Variants in ADAMTSL1 observed in about 807,000 individuals in gnomAD.
ADAMTSL1 encodes ADAMTS like 1, also known as ADAMTS-like protein 1.
In ADAMTSL1, 126 loss-of-function variants were observed where a neutral mutation model predicts 201.8. The observed-to-expected ratio is 0.62, with a 90% CI of 0.54 to 0.72. The LOEUF is 0.72. Ranked by LOEUF, ADAMTSL1 falls within the 30% of genes least tolerant of loss-of-function variation. The pLI, the probability that ADAMTSL1 is intolerant of heterozygous loss-of-function variation, is 0.00. For missense variants in ADAMTSL1, 2,679 were observed against 2,277.8 expected (o/e 1.18, Z -3.59); for synonymous variants, 1,121 against 903.4 (o/e 1.24, Z -4.32).
At chr9:18,786,665 A>T (rs375320294) in intron 19 of ADAMTSL1, among the ~76,000 whole-genome samples, 81 of 152,304 alleles carry the variant, frequency 5.3e-4, no homozygotes, top group African/African-American at 1.9e-3. Context: ...ATCTCAAACT[A>T]AGAAGCTTCA....
At chr9:18,517,251 C>G (rs1173779165) in intron 2 of ADAMTSL1, among the ~76,000 whole-genome samples, 1 of 152,054 alleles carries the variant, frequency 6.6e-6, no homozygotes, top group East Asian at 1.9e-4. Flanking sequence ...ATCCCCCGGC[C>G]CCCACCCCTA....
chr9:18,890,774 A>C (rs1031264491), intron 25 of ADAMTSL1: 14 of 348,656 alleles, frequency 4.0e-5, no homozygotes, highest in Non-Finnish European at 6.8e-5. Context: ...TTGGAAATAA[A>C]AGTTGATGGA....
intron 2 of ADAMTSL1, among the ~76,000 whole-genome samples, chr9:18,273,758 G>C (rs1377692711): frequency 6.6e-6 from 1 of 152,104 alleles, no homozygotes; most frequent in Admixed American, 6.5e-5. Context: ...CAGTTCCTTG[G>C]TTGTAACCTA....
chr9:18,497,459 AGACT>A (rs1822588346), intron 1 of ADAMTSL1, among the ~76,000 whole-genome samples: 1 of 152,332 alleles, frequency 6.6e-6, no homozygotes, highest in South Asian at 2.1e-4. Context: ...AAAGAGAAAC[AGACT>A]GACAGGCTAT....
At chr9:17,963,603 G>C (rs1184662397) in intron 1 of ADAMTSL1, among the ~76,000 whole-genome samples, 1 of 152,112 alleles carries the variant, frequency 6.6e-6, no homozygotes, top group Non-Finnish European at 1.5e-5. Flanking sequence ...GATTCTAAAA[G>C]GATAGACATT....
intron 23 of ADAMTSL1, among the ~76,000 whole-genome samples, chr9:18,852,463 G>A (rs1393392266): frequency 6.6e-6 from 1 of 150,684 alleles, no homozygotes; most frequent in African/African-American, 2.4e-5. Flanking sequence ...GCCCTCAGAA[G>A]CCAGATCCTG....
At chr9:17,917,964 A>C (rs1006450067) in intron 1 of ADAMTSL1, among the ~76,000 whole-genome samples, 2 of 151,968 alleles carry the variant, frequency 1.3e-5, no homozygotes, top group Non-Finnish European at 2.9e-5. Flanking sequence ...AGTAGTTCAT[A>C]GTGCTCCTTT....
intron 9 of ADAMTSL1, among the ~76,000 whole-genome samples, chr9:18,663,269 T>G (rs1829219103): frequency 6.6e-6 from 1 of 152,122 alleles, no homozygotes; most frequent in African/African-American, 2.4e-5. Context: ...CTCATAAAAG[T>G]GAACTCAGAA....
At chr9:18,743,819 T>C (rs956155786) in intron 15 of ADAMTSL1, among the ~76,000 whole-genome samples, 10 of 152,372 alleles carry the variant, frequency 6.6e-5, no homozygotes, top group African/African-American at 2.2e-4. Flanking sequence ...TTATCTTTTC[T>C]AGGCCTCTTT....
At chr9:18,670,791 GA>G (rs1300680682) in intron 9 of ADAMTSL1, among the ~76,000 whole-genome samples, 1 of 152,146 alleles carries the variant, frequency 6.6e-6, no homozygotes, top group East Asian at 1.9e-4. Context: ...ATAAACTAAA[GA>G]AAAACTTGTG....
At chr9:18,320,510 TAA>T in intron 2 of ADAMTSL1, among the ~76,000 whole-genome samples, 1 of 152,174 alleles carries the variant, frequency 6.6e-6, no homozygotes, top group Non-Finnish European at 1.5e-5. Context: ...TAACAACTGC[TAA>T]AAGAGTTCTT....
At chr9:18,198,832 C>T (rs907401588) in intron 2 of ADAMTSL1, among the ~76,000 whole-genome samples, 4 of 144,194 alleles carry the variant, frequency 2.8e-5, no homozygotes, top group African/African-American at 1.0e-4. Flanking sequence ...CGGCATTATT[C>T]ACAACAGCAA....
chr9:18,688,428 G>A (rs1007288066), intron 13 of ADAMTSL1, among the ~76,000 whole-genome samples: 8 of 150,806 alleles, frequency 5.3e-5, no homozygotes, highest in South Asian at 2.1e-4. Context: ...ACACCCAGCC[G>A]AATATATTTT....
intron 2 of ADAMTSL1, among the ~76,000 whole-genome samples, chr9:18,188,089 C>T (rs1214534803): frequency 6.6e-6 from 1 of 152,038 alleles, no homozygotes; most frequent in African/African-American, 2.4e-5. Context: ...CATGCCTGCT[C>T]CTTGAGGCAC....
intron 7 of ADAMTSL1, among the ~76,000 whole-genome samples, chr9:18,647,208 G>T (rs1827873610): frequency 6.6e-6 from 1 of 152,108 alleles, no homozygotes; most frequent in Non-Finnish European, 1.5e-5. Flanking sequence ...ATGGTAGTTT[G>T]TATTTCTGTG....
chr9:18,777,328 C>G lies in ADAMTSL1; in HGVS notation c.3099C>G (p.Gly1033=). The change falls in exon 19 of 29, where the codon GGC becomes GGG. Residue 1033 remains glycine (G), a synonymous_variant. Transcript: ENST00000380548. ...DLVSRLLEQG[G]WPGELLASWE... Reference sequence around the variant, plus strand: ...TCTCCCGGCTGCTGGAGCAGGGCGGCTGGCCCGGAGAGCTGCTGGCCTCGT... The same window carrying G: ...TCTCCCGGCTGCTGGAGCAGGGCGGGTGGCCCGGAGAGCTGCTGGCCTCGT... The G allele has an allele frequency of 6.2e-7, 1 of 1,601,278 alleles. No individual in the cohort carries two copies. Among genetic ancestry groups the G allele is most frequent in the South Asian group, 1.1e-5 (1 of 89,440 alleles).
chr9:17,988,562 CT>C (rs1197090632), intron 1 of ADAMTSL1, among the ~76,000 whole-genome samples: 316 of 140,004 alleles, frequency 2.3e-3, no homozygotes, highest in African/African-American at 5.6e-3. Flanking sequence ...TTTTTCTTTT[CT>C]TTTTTTTTTT....
intron 18 of ADAMTSL1, 55 bp downstream of exon 18, chr9:18,775,951 A>G (rs1445644497): frequency 3.9e-6 from 6 of 1,554,000 alleles, no homozygotes; most frequent in Non-Finnish European, 4.4e-6. Flanking sequence ...AGCAGCAGCT[A>G]TAGCCACCAC....
At chr9:18,171,613 C>T (rs1827893826) in intron 2 of ADAMTSL1, among the ~76,000 whole-genome samples, 1 of 152,054 alleles carries the variant, frequency 6.6e-6, no homozygotes, top group African/African-American at 2.4e-5. Flanking sequence ...CAAAAATTTT[C>T]TCCCATTCTA....
Sources: gnomAD v4.1 joint callset for allele counts (sites outside exome capture counted in the v4.1 genomes callset) on GRCh38, gnomAD v4.1.1 for gene constraint, MANE v1.5 for transcripts, NCBI Gene and HGNC (gene_info 2026-07-23, HGNC 2026-07-21) for gene names.